GOSR2: variants seen among roughly 807,000 people sequenced by gnomAD.
The protein encoded by GOSR2 is 27 kDa Golgi SNARE protein.
A neutral mutation model predicts 27.9 loss-of-function variants in GOSR2; 20 were observed. The observed-to-expected ratio is 0.72, with a 90% CI of 0.50 to 1.04. The LOEUF is 1.04. GOSR2 is among the 50% of genes least tolerant of loss of function. The probability of loss-of-function intolerance (pLI) is 0.00; values close to 1 mark genes in which losing one functional copy is unlikely to be tolerated. For synonymous variants in GOSR2, 91 were observed against 98.8 expected (o/e 0.92, Z 0.47); for missense variants, 261 against 270.5 (o/e 0.97, Z 0.25).
intron 1 of GOSR2, among the ~76,000 whole-genome samples, chr17:46,925,072 T>C (rs1323559643): frequency 6.6e-6 from 1 of 152,212 alleles, no homozygotes; most frequent in Non-Finnish European, 1.5e-5. Flanking sequence ...GTGTGGAGTG[T>C]AGATGCTCTG....
chr17:46,970,535 C>CAAAAAAAAAAAAAAAAAAAAAAAAAAAA (rs58781204), downstream of GOSR2, among the ~76,000 whole-genome samples: 1 of 51,168 alleles, frequency 2.0e-5, no homozygotes, highest in Non-Finnish European at 3.8e-5. Flanking sequence ...GACTCCATCT[C>CAAAAAAAAAAAAAAAAAAAAAAAAAAAA]AAAAAAAAAA....
rs2085985005 is a variant in GOSR2 at position 46,923,358 on chromosome 17, G to A, written c.29+137G>A. On this transcript the variant is annotated intron_variant, in intron 1 of 5. Transcript: ENST00000640051. ...CCAGGGCACTGCTGGGGATGCCTCC[G>A]AAGTGCTTAATCCTTGGCGGGACTC... 2.0e-6 allele frequency: 3 copies of A among 1,504,278 alleles called. No homozygotes were observed. In the African/African-American group the frequency reaches 4.2e-5, roughly 21 times the overall value. The allele number at this position is 1,504,278 out of a possible 1,614,324, so 93.2% of individuals were successfully genotyped here.
intron 6 of GOSR2, among the ~76,000 whole-genome samples, chr17:46,947,958 C>T (rs986882712): frequency 1.3e-5 from 2 of 152,176 alleles, no homozygotes; most frequent in African/African-American, 4.8e-5. Flanking sequence ...TTACTAGAGA[C>T]AGAGTTTCAC....
chr17:46,950,817 CAG>C (rs2090284246), intron 6 of GOSR2, among the ~76,000 whole-genome samples: 1 of 152,170 alleles, frequency 6.6e-6, no homozygotes, highest in African/African-American at 2.4e-5. Context: ...AATCCCAGAA[CAG>C]AGGAAAAGCG....
At chr17:46,961,219 A>G (rs2091030379) in intron 6 of GOSR2, among the ~76,000 whole-genome samples, 1 of 152,184 alleles carries the variant, frequency 6.6e-6, no homozygotes, top group African/African-American at 2.4e-5. Flanking sequence ...AACAGAAATA[A>G]TATGTATAAT....
chr17:46,972,320 C>T (rs1212072874), intron 6 of GOSR2, among the ~76,000 whole-genome samples: 1 of 152,200 alleles, frequency 6.6e-6, no homozygotes, highest in Non-Finnish European at 1.5e-5. Context: ...CTTCTTTCTC[C>T]TCCTCCTCCT....
At chr17:46,944,333 GC>G (rs1424096566), downstream of GOSR2, among the ~76,000 whole-genome samples, 1 of 152,218 alleles carries the variant, frequency 6.6e-6, no homozygotes, top group Non-Finnish European at 1.5e-5. Context: ...TCAAGTCCCA[GC>G]CCTGCTGGCA....
intron 1 of GOSR2, chr17:46,924,220 T>A (rs1357475667): frequency 5.1e-6 from 1 of 196,744 alleles, no homozygotes; most frequent in African/African-American, 2.3e-5. Context: ...CATACAGAAT[T>A]TGTCCTTTTG....
downstream of GOSR2, among the ~76,000 whole-genome samples, chr17:46,944,336 C>T (rs1471385954): frequency 6.6e-6 from 1 of 152,244 alleles, no homozygotes; most frequent in Non-Finnish European, 1.5e-5. Flanking sequence ...AGTCCCAGCC[C>T]TGCTGGCAGC....
intron 1 of GOSR2, among the ~76,000 whole-genome samples, chr17:46,925,111 C>T (rs1482757638): frequency 6.6e-6 from 1 of 152,120 alleles, no homozygotes; most frequent in Non-Finnish European, 1.5e-5. Context: ...CCCTTGGACT[C>T]TAGCAGCTTG....
chr17:46,955,026 G>T (rs1320825672), intron 6 of GOSR2, among the ~76,000 whole-genome samples: 1 of 152,138 alleles, frequency 6.6e-6, no homozygotes, highest in Non-Finnish European at 1.5e-5. Flanking sequence ...CTGCCTGATT[G>T]CCCTGGCCAG....
At chr17:46,926,264 T>G (rs1206278055) in intron 1 of GOSR2, among the ~76,000 whole-genome samples, 3 of 152,174 alleles carry the variant, frequency 2.0e-5, no homozygotes, top group Non-Finnish European at 2.9e-5. Flanking sequence ...TGCCACTACT[T>G]TTAAGTAAAG....
intron 2 of GOSR2, 158 bp downstream of exon 2, chr17:46,929,742 G>A (rs186096684): frequency 1.6e-6 from 1 of 625,390 alleles, no homozygotes; most frequent in Non-Finnish European, 2.9e-6. Flanking sequence ...CAAAGTCACT[G>A]ATTTCCCTGA....
Position 46,940,651 on chromosome 17 carries a change from G to T in GOSR2, c.*1891G>T. The T allele has an allele frequency of 1.2e-6, 2 of 1,613,570 alleles. No individual in the cohort carries two copies. The highest frequency in any genetic ancestry group is 1.7e-6 in the Non-Finnish European group (2 of 1,179,882). On this transcript the variant is annotated 3_prime_UTR_variant, in exon 6 of 6. Transcript: ENST00000640051. The stretch of plus-strand genomic sequence containing the variant: ...TGAACTCTGGGAGGCAGAAGTCCCC[G>T]CACCCATCATGCGTGGACTGATAGG...
chr17:46,963,625 A>T (rs2091189258), intron 6 of GOSR2: 1 of 152,022 alleles, frequency 6.6e-6, no homozygotes, highest in Non-Finnish European at 1.5e-5. Flanking sequence ...AGCACTAATC[A>T]TCCTCAGTGT....
chr17:46,955,073 C>T (rs984166623), intron 6 of GOSR2, among the ~76,000 whole-genome samples: 15 of 151,472 alleles, frequency 9.9e-5, no homozygotes, highest in Non-Finnish European at 1.5e-4. Flanking sequence ...GTGGTGAGAG[C>T]GGGCATCCCT....
At chr17:46,971,069 A>C (rs1453293760), downstream of GOSR2, among the ~76,000 whole-genome samples, 2 of 152,112 alleles carry the variant, frequency 1.3e-5, no homozygotes, top group Non-Finnish European at 2.9e-5. Context: ...TTTAAAACAT[A>C]GGCCGGTGCG....
rs918022458 is a variant in GOSR2 at position 46,953,062 on chromosome 17, T to C, written c.584-13472T>C. On this transcript the variant is annotated intron_variant, in intron 6 of 6. Transcript: ENST00000573224. ...TTTTTATTTTTTTATTTTATTATTA[T>C]TTTACGTAAGTTTTAGGGTACATGT... Among the ~76,000 whole-genome samples, 13 of 152,154 alleles carry C rather than the reference T, an allele frequency of 8.5e-5. 1 individual carries two copies. The highest frequency in any genetic ancestry group is 4.1e-4 in the South Asian group (2 of 4,834).
intron 6 of GOSR2, among the ~76,000 whole-genome samples, chr17:46,957,120 G>C (rs1301741234): frequency 1.3e-5 from 2 of 152,072 alleles, no homozygotes; most frequent in Admixed American, 6.6e-5. Flanking sequence ...ACCATCCTGG[G>C]TGACATGGTG....
Sources: gnomAD v4.1 joint callset for allele counts (sites outside exome capture counted in the v4.1 genomes callset) on GRCh38, gnomAD v4.1.1 for gene constraint, MANE v1.5 for transcripts, NCBI Gene and HGNC (gene_info 2026-07-23, HGNC 2026-07-21) for gene names.